LINGO2: variants seen among roughly 807,000 people sequenced by gnomAD.
LINGO2 encodes the protein leucine rich repeat and Ig domain containing 2, also known as leucine-rich repeat and immunoglobulin-like domain-containing nogo receptor-interacting protein 2.
A neutral mutation model predicts 30.6 loss-of-function variants in LINGO2; 14 were observed. The observed-to-expected ratio is 0.46, with a 90% confidence interval of 0.30 to 0.72. LINGO2 has a LOEUF of 0.72. Ranked by LOEUF, LINGO2 falls within the 30% of genes least tolerant of loss-of-function variation. LINGO2 has a pLI of 0.07. For synonymous variants in LINGO2, 317 were observed against 288.5 expected, an observed-to-expected ratio of 1.10 and a Z score of -1.00; for missense variants, 729 against 751.7, an observed-to-expected ratio of 0.97 and a Z score of 0.35.
intron 1 of LINGO2, among the ~76,000 whole-genome samples, chr9:28,502,604 A>G (rs953640714): frequency 6.6e-6 from 1 of 152,096 alleles, no homozygotes; most frequent in Non-Finnish European, 1.5e-5. Context: ...ATGTCTTTTT[A>G]GAGGGCATCA....
chr9:29,172,722 C>A, the LINGO2 span, among the ~76,000 whole-genome samples: 1 of 151,744 alleles, frequency 6.6e-6, no homozygotes, highest in Non-Finnish European at 1.5e-5. Flanking sequence ...TGTAATTAAA[C>A]TCTTCTTTCA....
intron 1 of LINGO2, among the ~76,000 whole-genome samples, chr9:28,560,202 T>C (rs920197225): frequency 3.3e-5 from 5 of 152,108 alleles, no homozygotes; most frequent in African/African-American, 4.8e-5. Context: ...CTGGCCCACA[T>C]TGCCCAGATA....
At chr9:28,417,574 C>A (rs7849276) in intron 2 of LINGO2, among the ~76,000 whole-genome samples, 26,721 of 152,040 alleles carry the variant, frequency 0.18, 2,664 homozygotes, top group African/African-American at 0.24. Context: ...TGGTTCCCTG[C>A]AGAAACATCA....
At chr9:28,206,540 C>T (rs750048928) in intron 4 of LINGO2, among the ~76,000 whole-genome samples, 5 of 152,070 alleles carry the variant, frequency 3.3e-5, no homozygotes, top group African/African-American at 4.8e-5. Context: ...TAAAAATCAC[C>T]ACCTTATATT....
chr9:28,235,114 G>A (rs1438427011), intron 4 of LINGO2, among the ~76,000 whole-genome samples: 4 of 151,986 alleles, frequency 2.6e-5, no homozygotes, highest in African/African-American at 7.3e-5. Flanking sequence ...GAGTCCCAGT[G>A]GTGGTGGCCA....
intron 4 of LINGO2, among the ~76,000 whole-genome samples, chr9:28,047,368 T>TATAG (rs1457154396): frequency 7.1e-5 from 10 of 141,178 alleles, no homozygotes; most frequent in African/African-American, 1.4e-4. Context: ...GTATGAAAGA[T>TATAG]CTACTAAACA....
the LINGO2 span, among the ~76,000 whole-genome samples, chr9:29,111,938 A>ATATATTTATATATGTGTGTATATATAG: frequency 1.5e-5 from 1 of 66,782 alleles, no homozygotes; most frequent in Non-Finnish European, 3.2e-5. Context: ...TGTATATATA[A>ATATATTTATATATGTGTGTATATATAG]TGTATTTAAT....
intron 4 of LINGO2, among the ~76,000 whole-genome samples, chr9:28,139,926 T>C (rs1409842876): frequency 3.9e-5 from 6 of 152,208 alleles, no homozygotes; most frequent in Admixed American, 3.9e-4. Flanking sequence ...AAAATATTTA[T>C]GCTATACCAT....
At chr9:28,977,682 G>A in the LINGO2 span, among the ~76,000 whole-genome samples, 30 of 151,996 alleles carry the variant, frequency 2.0e-4, no homozygotes, top group Non-Finnish European at 4.3e-4. Flanking sequence ...CATGTAAAAT[G>A]GCATTGTAAG....
chr9:28,357,669 T>C (rs62555428), intron 3 of LINGO2, among the ~76,000 whole-genome samples: 31,097 of 152,004 alleles, frequency 0.2, 3,438 homozygotes, highest in Middle Eastern at 0.4. Context: ...ATGTAGTAAA[T>C]GATATTTCAA....
At chr9:28,128,598 T>C (rs1055361076) in intron 4 of LINGO2, among the ~76,000 whole-genome samples, 7 of 152,158 alleles carry the variant, frequency 4.6e-5, no homozygotes, top group Non-Finnish European at 8.8e-5. Flanking sequence ...TTAAATTGAA[T>C]TTAACTGCAG....
At chr9:29,155,938 G>A in the LINGO2 span, among the ~76,000 whole-genome samples, 2 of 152,122 alleles carry the variant, frequency 1.3e-5, no homozygotes, top group East Asian at 3.9e-4. Flanking sequence ...AAGGAACCAT[G>A]ACAGCATGAA....
intron 4 of LINGO2, among the ~76,000 whole-genome samples, chr9:28,098,683 C>A (rs560158804): frequency 6.6e-6 from 1 of 152,158 alleles, no homozygotes; most frequent in South Asian, 2.1e-4. Flanking sequence ...AATGCTAAGC[C>A]CCATGTGGAG....
At chr9:29,046,354 A>G in the LINGO2 span, among the ~76,000 whole-genome samples, 5 of 152,160 alleles carry the variant, frequency 3.3e-5, no homozygotes, top group Non-Finnish European at 7.3e-5. Flanking sequence ...TCAAACTACT[A>G]TATGTCTACA....
intron 1 of LINGO2, among the ~76,000 whole-genome samples, chr9:28,658,102 A>G (rs898199469): frequency 2.0e-5 from 3 of 152,104 alleles, no homozygotes; most frequent in Non-Finnish European, 4.4e-5. Flanking sequence ...CATTGTGATC[A>G]GAAAATATAA....
chr9:28,843,242 T>C, the LINGO2 span, among the ~76,000 whole-genome samples: 866 of 151,810 alleles, frequency 5.7e-3, 26 homozygotes, highest in African/African-American at 0.02. Context: ...ATAGTCCTTA[T>C]TTGATCTTTT....
intron 4 of LINGO2, among the ~76,000 whole-genome samples, chr9:28,125,600 A>C (rs545015807): frequency 2.0e-5 from 3 of 151,148 alleles, no homozygotes; most frequent in Non-Finnish European, 4.4e-5. Context: ...GGGCTCTCTT[A>C]GAGTCTCATC....
the LINGO2 span, among the ~76,000 whole-genome samples, chr9:29,192,489 T>C: frequency 4.6e-5 from 7 of 152,074 alleles, no homozygotes; most frequent in Admixed American, 4.6e-4. Flanking sequence ...CAGAATGTAA[T>C]GGAAATAATA....
chr9:28,891,551 G>A, the LINGO2 span, among the ~76,000 whole-genome samples: 1 of 151,758 alleles, frequency 6.6e-6, no homozygotes, highest in South Asian at 2.1e-4. Flanking sequence ...TAATAACATT[G>A]TCATTATAAT....
Sources: allele counts gnomAD v4.1 joint callset (sites outside exome capture counted in the v4.1 genomes callset), GRCh38; gene constraint gnomAD v4.1.1; transcripts MANE v1.5; gene names NCBI Gene and HGNC (gene_info 2026-07-23, HGNC 2026-07-21).